Variants in COL23A1 observed in about 807,000 individuals in gnomAD.
COL23A1 encodes collagen alpha-1(XXIII) chain.
Under a neutral mutation model 99.3 loss-of-function variants are expected in COL23A1, and 97 were observed. The ratio of observed to expected loss-of-function variants is 0.98; its 90% CI spans 0.83 to 1.16. The LOEUF (loss-of-function observed/expected upper bound fraction) is 1.16, where lower values mean the gene tolerates loss of function less well. Ranked by LOEUF, COL23A1 falls within the 50% of genes most tolerant of loss-of-function variation. COL23A1 has a pLI of 0.00. For missense variants in COL23A1, 762 were observed against 757.4 expected, an observed-to-expected ratio of 1.01 and a Z score of -0.07; for synonymous variants, 320 against 308.2, an observed-to-expected ratio of 1.04 and a Z score of -0.40.
rs540670944 is a variant in COL23A1 at position 178,358,069 on chromosome 5, T to C, written c.362-51150A>G. The stretch of plus-strand genomic sequence containing the variant: ...ATGTATGTCTAATGTATGTGTATTG[T>C]GTGTATGTGTATGTACGTGTGTAGG... On this transcript the variant is annotated intron_variant, in intron 2 of 28. Coordinates refer to ENST00000390654, the MANE Select transcript of COL23A1 (RefSeq NM_173465.4). Among the ~76,000 whole-genome samples the C allele has an allele frequency of 2.0e-5, 3 of 146,424 alleles. No homozygotes were observed. In the South Asian group the frequency reaches 6.7e-4, roughly 32 times the overall value.
intron 22 of COL23A1, 45 bp downstream of exon 22, chr5:178,247,481 C>T (rs972688414): frequency 6.2e-7 from 1 of 1,610,874 alleles, no homozygotes; most frequent in East Asian, 2.2e-5. Context: ...GGAAACTGCC[C>T]AGACGGTGAG....
intron 2 of COL23A1, among the ~76,000 whole-genome samples, chr5:178,545,893 TCAAAA>T (rs1159344434): frequency 6.6e-6 from 1 of 152,168 alleles, no homozygotes; most frequent in Non-Finnish European, 1.5e-5. Flanking sequence ...CAGTTTATCC[TCAAAA>T]CAAACCCATA....
intron 2 of COL23A1, among the ~76,000 whole-genome samples, chr5:178,371,417 G>A (rs1581250468): frequency 6.6e-6 from 1 of 152,180 alleles, no homozygotes; most frequent in African/African-American, 2.4e-5. Flanking sequence ...AGGAGGGGCC[G>A]GCTGCAGCTC....
At chr5:178,536,855 T>C (rs1346925855) in intron 2 of COL23A1, among the ~76,000 whole-genome samples, 1 of 152,102 alleles carries the variant, frequency 6.6e-6, no homozygotes, top group Non-Finnish European at 1.5e-5. Flanking sequence ...ATGTGAGCTT[T>C]TGGCAGCCAC....
chr5:178,524,827 C>T (rs1388269802), intron 2 of COL23A1, among the ~76,000 whole-genome samples: 1 of 152,218 alleles, frequency 6.6e-6, no homozygotes, highest in Non-Finnish European at 1.5e-5. Flanking sequence ...ATCACTCACT[C>T]ACTCACACAC....
Position 178,439,027 on chromosome 5 carries a change from G to C in COL23A1, c.361+121655C>G, listed in dbSNP as rs1766717054. ...GCGCCTGAGAGCTTGACTCAGCCCAGTGTGCATTCAAATCACCTGGGAGCT... is the reference window on the plus strand; with the variant it reads ...GCGCCTGAGAGCTTGACTCAGCCCACTGTGCATTCAAATCACCTGGGAGCT... On this transcript the variant is annotated intron_variant, in intron 2 of 28. Transcript: ENST00000390654. The surrounding 1 kb of genome is among the most constrained non-coding windows in gnomAD (Gnocchi z 4.2). 1 of 152,250 alleles carries C rather than the reference G, an allele frequency of 6.6e-6. No homozygotes were observed. The highest frequency in any genetic ancestry group is 1.5e-5 in the Non-Finnish European group (1 of 68,062). 9.4% of individuals were successfully genotyped at this position (152,250 alleles called of 1,614,324 possible). A position where few individuals can be genotyped will look rare whatever the true frequency, so the allele number is the denominator to read the frequency against.
chr5:178,317,645 C>T (rs1384797479), intron 2 of COL23A1, among the ~76,000 whole-genome samples: 3 of 152,210 alleles, frequency 2.0e-5, no homozygotes, highest in African/African-American at 4.8e-5. Flanking sequence ...TACTGAATAA[C>T]ACTCCTCTTT....
intron 2 of COL23A1, among the ~76,000 whole-genome samples, chr5:178,554,440 A>G (rs527327738): frequency 6.6e-6 from 1 of 152,128 alleles, no homozygotes; most frequent in South Asian, 2.1e-4. Flanking sequence ...CGGCCTCCCA[A>G]AGTGCTGGAA....
intron 1 of COL23A1, among the ~76,000 whole-genome samples, chr5:178,582,596 C>T (rs907896998): frequency 1.3e-5 from 2 of 152,194 alleles, no homozygotes; most frequent in African/African-American, 4.8e-5. Context: ...GCCAGCCCCA[C>T]CTCACAGCCA....
intron 2 of COL23A1, among the ~76,000 whole-genome samples, chr5:178,369,981 C>T (rs1762713472): frequency 1.3e-5 from 2 of 152,152 alleles, no homozygotes; most frequent in Admixed American, 6.5e-5. Flanking sequence ...TACTGAGTCA[C>T]GTTAATGTGG....
At chr5:178,316,359 CTCT>C (rs1758983579) in intron 2 of COL23A1, among the ~76,000 whole-genome samples, 2 of 152,172 alleles carry the variant, frequency 1.3e-5, no homozygotes, top group African/African-American at 4.8e-5. Context: ...GTTGGAATGA[CTCT>C]TATTAGTTTA....
At chr5:178,290,600 T>C (rs540418646) in intron 3 of COL23A1, among the ~76,000 whole-genome samples, 1 of 152,318 alleles carries the variant, frequency 6.6e-6, no homozygotes, top group Admixed American at 6.5e-5. Context: ...GTGGTGACAG[T>C]TCCCACATGC....
intron 2 of COL23A1, among the ~76,000 whole-genome samples, chr5:178,453,557 C>G (rs760946409): frequency 6.6e-6 from 1 of 152,202 alleles, no homozygotes; most frequent in East Asian, 1.9e-4. Context: ...AAGGAATCTA[C>G]CCCTTAATTT....
chr5:178,282,927 G>A (rs1324548382), intron 5 of COL23A1, among the ~76,000 whole-genome samples: 4 of 152,080 alleles, frequency 2.6e-5, no homozygotes, highest in Admixed American at 2.6e-4. Flanking sequence ...TTGGAGTGCA[G>A]TGGCGTAATC....
At chr5:178,504,013 C>T (rs1758725620) in intron 2 of COL23A1, among the ~76,000 whole-genome samples, 1 of 151,738 alleles carries the variant, frequency 6.6e-6, no homozygotes, top group Admixed American at 6.6e-5. Context: ...TGTATGTTAT[C>T]AAGTAATATG....
intron 2 of COL23A1, among the ~76,000 whole-genome samples, chr5:178,373,829 C>T (rs1762927344): frequency 6.6e-6 from 1 of 152,184 alleles, no homozygotes; most frequent in Non-Finnish European, 1.5e-5. Context: ...GGGCTGCCTC[C>T]CTCAGGAGAG....
At chr5:178,438,381 A>G (rs1309531928) in intron 2 of COL23A1, among the ~76,000 whole-genome samples, 2 of 152,240 alleles carry the variant, frequency 1.3e-5, no homozygotes, top group Non-Finnish European at 2.9e-5. Context: ...TACTATCTGA[A>G]AATATCTGGG....
intron 2 of COL23A1, among the ~76,000 whole-genome samples, chr5:178,503,484 G>C (rs562944427): frequency 1.3e-5 from 2 of 152,324 alleles, no homozygotes; most frequent in African/African-American, 4.8e-5. Flanking sequence ...GCATAATTAG[G>C]TCAATTCACT....
intron 5 of COL23A1, among the ~76,000 whole-genome samples, chr5:178,284,774 C>T (rs908125663): frequency 1.2e-4 from 18 of 151,912 alleles, no homozygotes; most frequent in Non-Finnish European, 2.2e-4. Context: ...AAAAATAGTA[C>T]AAAAAAGTAT....
Sources: gnomAD v4.1 joint callset for allele counts (sites outside exome capture counted in the v4.1 genomes callset) on GRCh38, gnomAD v4.1.1 for gene constraint, Gnocchi (gnomAD v3.1) non-coding constraint, MANE v1.5 for transcripts, NCBI Gene and HGNC (gene_info 2026-07-23, HGNC 2026-07-21) for gene names.